The following CDH13 variants were observed in gnomAD, a reference collection of about 807,000 sequenced individuals.
The protein encoded by CDH13 is cadherin 13.
Under a neutral mutation model 63.8 loss-of-function variants are expected in CDH13, and 24 were observed. The observed-to-expected ratio is 0.38, with a 90% CI of 0.27 to 0.53. The LOEUF is 0.53. Among genes scored for constraint, CDH13 ranks in the 20% least tolerant of loss-of-function variants. The pLI, the probability that CDH13 is intolerant of heterozygous loss-of-function variation, is 0.85. For missense variants in CDH13, 1,049 were observed against 903.1 expected, an observed-to-expected ratio of 1.16 and a Z score of -2.07; for synonymous variants, 503 against 355.3, an observed-to-expected ratio of 1.42 and a Z score of -4.67.
At chr16:83,272,955 A>G (rs2088870508) in intron 5 of CDH13, among the ~76,000 whole-genome samples, 1 of 152,168 alleles carries the variant, frequency 6.6e-6, no homozygotes, top group East Asian at 1.9e-4. Context: ...TTAATATAGT[A>G]CAGTGAGCTC....
intron 8 of CDH13, among the ~76,000 whole-genome samples, chr16:83,655,599 C>G (rs1233958877): frequency 6.6e-6 from 1 of 152,162 alleles, no homozygotes. Context: ...GGGCAGATCC[C>G]AGAAGGCCTG....
chr16:82,920,496 A>T (rs2042121092), intron 2 of CDH13, among the ~76,000 whole-genome samples: 1 of 152,180 alleles, frequency 6.6e-6, no homozygotes, highest in Non-Finnish European at 1.5e-5. Context: ...GGTCAAAGTC[A>T]AATGCCCCTC....
rs151083809 is a variant in CDH13, at chr16:82,891,199, G to A, written c.157+32726G>A. ...CTGTAAGAGGCTCTGAATAAAATGA[G>A]TTCCATGCTGGAACTTATGTGGAGA... is the stretch of plus-strand genomic sequence containing the variant. On this transcript the variant is annotated intron_variant, in intron 2 of 13. Transcript: ENST00000567109. Among the ~76,000 whole-genome samples the A allele has an allele frequency of 3.1e-3, 476 of 152,264 alleles. 4 individuals carry two copies. The highest frequency in any genetic ancestry group is 0.014 in the South Asian group (67 of 4,822).
chr16:83,748,371 C>A, intron 11 of CDH13, 121 bp downstream of exon 11: 1 of 842,014 alleles, frequency 1.2e-6, no homozygotes, highest in Non-Finnish European at 1.8e-6. Context: ...TGTGTGGGAA[C>A]AGCAAAGTAA....
chr16:82,723,344 C>A (rs917974859), intron 1 of CDH13, among the ~76,000 whole-genome samples: 4 of 152,096 alleles, frequency 2.6e-5, no homozygotes, highest in Non-Finnish European at 2.9e-5. Flanking sequence ...TTTATTGAAC[C>A]TTTTTGTGGG....
At chr16:83,077,711 C>A (rs551067484) in intron 3 of CDH13, among the ~76,000 whole-genome samples, 80 of 152,176 alleles carry the variant, frequency 5.3e-4, no homozygotes, top group Non-Finnish European at 1.0e-3. Flanking sequence ...GTTTTTCTTT[C>A]GCTTGGGTAG....
At chr16:83,294,604 G>GTC (rs1425031783) in intron 5 of CDH13, among the ~76,000 whole-genome samples, 1 of 145,302 alleles carries the variant, frequency 6.9e-6, no homozygotes, top group Non-Finnish European at 1.5e-5. Flanking sequence ...ATATGTGTAT[G>GTC]TGTGTGTGTG....
chr16:83,499,759 G>A (rs4377141), intron 7 of CDH13, among the ~76,000 whole-genome samples: 148,780 of 152,276 alleles, frequency 0.98, 72,787 homozygotes, highest in East Asian at 1. Context: ...TCTAGTTTGG[G>A]TGCAGTGGCC....
intron 10 of CDH13, chr16:83,729,139 G>A (rs1181533071): frequency 1.3e-5 from 2 of 152,118 alleles, no homozygotes; most frequent in Non-Finnish European, 2.9e-5. Flanking sequence ...TGCCACAATG[G>A]GGGTTAGAGT....
chr16:82,719,117 G>A (rs368124438), intron 1 of CDH13, among the ~76,000 whole-genome samples: 5 of 152,178 alleles, frequency 3.3e-5, no homozygotes, highest in African/African-American at 1.2e-4. Context: ...TGCAGTTTGT[G>A]AAGTCCTGTG....
intron 10 of CDH13, among the ~76,000 whole-genome samples, chr16:83,719,206 A>C (rs1177055584): frequency 6.6e-6 from 1 of 152,208 alleles, no homozygotes; most frequent in Non-Finnish European, 1.5e-5. Context: ...TGACAATGAC[A>C]TTTGATTCCA....
At chr16:83,778,116 A>G (rs1330523605) in intron 11 of CDH13, among the ~76,000 whole-genome samples, 1 of 152,260 alleles carries the variant, frequency 6.6e-6, no homozygotes, top group Non-Finnish European at 1.5e-5. Context: ...GAAAATTAGA[A>G]ACTACTAACA....
chr16:83,708,164 G>C (rs559848313), intron 10 of CDH13, among the ~76,000 whole-genome samples: 119 of 152,180 alleles, frequency 7.8e-4, no homozygotes, highest in Non-Finnish European at 1.2e-3. Context: ...CAAAGCCACC[G>C]GGAGAACCAA....
intron 10 of CDH13, chr16:83,717,717 G>C (rs958023834): frequency 3.3e-5 from 5 of 152,370 alleles, no homozygotes; most frequent in African/African-American, 1.2e-4. Flanking sequence ...TTGAGAGCTA[G>C]TTTGGAGAAA....
rs1433962322 is a variant in CDH13, at chr16:83,047,019, C to T, written c.366+14801C>T. ...ACTGTCTATCTTTCTGCAGCAAATC[C>T]TTTGACAGAGAATGTGCACTGTCAA... is the stretch of plus-strand genomic sequence containing the variant. On this transcript the variant is annotated intron_variant, in intron 3 of 13. Transcript: ENST00000567109. The surrounding 1 kb of genome is among the most constrained non-coding windows in gnomAD (Gnocchi z 4.9). 6.6e-6 allele frequency among the ~76,000 whole-genome samples: 1 copy of T among 152,180 alleles called. No individual in the cohort carries two copies. The highest frequency in any genetic ancestry group is 6.5e-5 in the Admixed American group (1 of 15,276).
intron 1 of CDH13, among the ~76,000 whole-genome samples, chr16:82,654,428 G>C (rs918840807): frequency 2.6e-5 from 4 of 152,118 alleles, no homozygotes; most frequent in African/African-American, 4.8e-5. Context: ...AACTTCTCTT[G>C]GTTCTCAGAA....
chr16:83,514,089 T>G (rs1168118277), intron 7 of CDH13, among the ~76,000 whole-genome samples: 1 of 152,192 alleles, frequency 6.6e-6, no homozygotes, highest in African/African-American at 2.4e-5. Flanking sequence ...CATTACTAAT[T>G]AAAGCCAATG....
At chr16:83,023,952 C>T (rs944244719) in intron 2 of CDH13, among the ~76,000 whole-genome samples, 1 of 152,144 alleles carries the variant, frequency 6.6e-6, no homozygotes, top group African/African-American at 2.4e-5. Context: ...TTAGATATTG[C>T]CAAAGCTATG....
chr16:83,335,632 C>A (rs745474159), intron 5 of CDH13, among the ~76,000 whole-genome samples: 2 of 152,126 alleles, frequency 1.3e-5, no homozygotes, highest in East Asian at 1.9e-4. Context: ...GACGGCCCAG[C>A]GCCACACCCT....
Sources: allele counts gnomAD v4.1 joint callset (sites outside exome capture counted in the v4.1 genomes callset), GRCh38; gene constraint gnomAD v4.1.1; non-coding constraint Gnocchi (gnomAD v3.1); transcripts MANE v1.5; gene names NCBI Gene and HGNC (gene_info 2026-07-23, HGNC 2026-07-21).